BACE2: variants seen among roughly 807,000 people sequenced by gnomAD.
BACE2 encodes the protein beta-secretase 2.
In BACE2, 17 loss-of-function variants were observed where a neutral mutation model predicts 46.2. The ratio of observed to expected loss-of-function variants is 0.37; its 90% CI spans 0.25 to 0.55. The LOEUF is 0.55. BACE2 is among the 20% of genes least tolerant of loss of function. The pLI is 0.82. For missense variants in BACE2, 595 were observed against 698.1 expected (o/e 0.85, Z 1.66); for synonymous variants, 277 against 295.9 (o/e 0.94, Z 0.66).
intron 8 of BACE2, among the ~76,000 whole-genome samples, chr21:41,262,290 A>G (rs966254576): frequency 6.6e-6 from 1 of 152,168 alleles, no homozygotes; most frequent in Non-Finnish European, 1.5e-5. Context: ...GACTTGAGTT[A>G]AATGTTTTTT....
intron 1 of BACE2, among the ~76,000 whole-genome samples, chr21:41,212,735 C>T (rs1986337831): frequency 6.6e-6 from 1 of 152,060 alleles, no homozygotes; most frequent in Admixed American, 6.5e-5. Flanking sequence ...GTACGTCAGA[C>T]CTGACTTGGA....
At position 41,226,281 on chromosome 21, in the gene BACE2, G is replaced by A; in HGVS notation, c.328G>A (p.Asp110Asn). 1 of 1,612,120 alleles carries A rather than the reference G, an allele frequency of 6.2e-7. No individual in the cohort carries two copies. Among genetic ancestry groups the A allele is most frequent in the Non-Finnish European group, 8.5e-7 (1 of 1,179,420 alleles). Residue 110 changes from aspartate (D) to asparagine (N), a missense_variant, in exon 2 of 9, where the codon GAC (aspartate) becomes AAC (asparagine). Physicochemically the swap from Asp to Asn is conservative, Grantham distance 23. Coordinates refer to ENST00000330333, the MANE Select transcript of BACE2 (RefSeq NM_012105.5). Reference sequence around the variant, plus strand: ...AACATAAAAGCTACAGATTCTCGTTGACACTGGAAGCAGTAACTTTGCCGT... The same window carrying A: ...AACATAAAAGCTACAGATTCTCGTTAACACTGGAAGCAGTAACTTTGCCGT... ...TPPQKLQILV[D>N]TGSSNFAVAG...
chr21:41,181,415 C>T (rs1270963663), intron 1 of BACE2: 1 of 167,112 alleles, frequency 6.0e-6, no homozygotes. Context: ...AGTACTGTCA[C>T]CTTCCCAGAT....
Position 41,278,098 on chromosome 21 carries a change from A to G in BACE2, c.*2474A>G, listed in dbSNP as rs922032620. 1 of 152,198 alleles carries G rather than the reference A, an allele frequency of 6.6e-6. No individual in the cohort carries two copies. Among genetic ancestry groups the G allele is most frequent in the Non-Finnish European group, 1.5e-5 (1 of 68,048 alleles). The allele number at this position is 152,198 out of a possible 1,614,324, so 9.4% of individuals were successfully genotyped here. ...GCTTGGAACAGGAAAGGAATTAACAACCCTTTGAGGGTGTCATTTTTACCT... is the reference window on the plus strand; with the variant it reads ...GCTTGGAACAGGAAAGGAATTAACAGCCCTTTGAGGGTGTCATTTTTACCT... On this transcript the variant is annotated 3_prime_UTR_variant, in exon 9 of 9. Coordinates refer to ENST00000330333, the MANE Select transcript of BACE2 (RefSeq NM_012105.5).
intron 1 of BACE2, among the ~76,000 whole-genome samples, chr21:41,225,865 G>A (rs939631633): frequency 6.6e-6 from 1 of 152,176 alleles, no homozygotes; most frequent in Non-Finnish European, 1.5e-5. Flanking sequence ...ACGTTGGATC[G>A]GGGTTTCCAG....
At chr21:41,240,112 A>G (rs925563664) in intron 3 of BACE2, among the ~76,000 whole-genome samples, 7 of 152,218 alleles carry the variant, frequency 4.6e-5, no homozygotes, top group African/African-American at 1.4e-4. Flanking sequence ...AGTAGGACTC[A>G]TAGGAAGCAG....
chr21:41,236,433 A>G (rs779419415), intron 2 of BACE2, among the ~76,000 whole-genome samples: 2 of 152,132 alleles, frequency 1.3e-5, no homozygotes, highest in Non-Finnish European at 2.9e-5. Flanking sequence ...TCACTGCAGC[A>G]TAAACTGAGG....
intron 3 of BACE2, among the ~76,000 whole-genome samples, chr21:41,240,198 G>A (rs1987247368): frequency 6.6e-6 from 1 of 152,196 alleles, no homozygotes; most frequent in African/African-American, 2.4e-5. Flanking sequence ...GGTGGGCTGA[G>A]CGCTCTGCAG....
chr21:41,254,406 C>T lies in BACE2; in HGVS notation c.1135-2752C>T, dbSNP rs574674787. On this transcript the variant is annotated intron_variant, in intron 7 of 8. Transcript: ENST00000330333. ...CCCTCACAGTCCCTCAAACCCCCTA[C>T]AGCCAGAAGGCCCAGGACTCTGTGT... is the stretch of plus-strand genomic sequence containing the variant. Among the ~76,000 whole-genome samples, 5 of 152,282 alleles carry T rather than the reference C, an allele frequency of 3.3e-5. No individual in the cohort carries two copies. In the East Asian group the frequency reaches 7.7e-4, roughly 24 times the overall value.
intron 5 of BACE2, among the ~76,000 whole-genome samples, chr21:41,244,172 A>T (rs1322854872): frequency 6.6e-6 from 1 of 152,208 alleles, no homozygotes. Context: ...TATAAAAACC[A>T]TGGGGATGTC....
intron 1 of BACE2, among the ~76,000 whole-genome samples, chr21:41,214,264 G>T (rs1986387495): frequency 6.6e-6 from 1 of 152,196 alleles, no homozygotes; most frequent in African/African-American, 2.4e-5. Flanking sequence ...ATTCTGCTCA[G>T]TGAAGTGTGG....
intron 1 of BACE2, among the ~76,000 whole-genome samples, chr21:41,189,353 G>C (rs1402024701): frequency 6.6e-6 from 1 of 152,088 alleles, no homozygotes; most frequent in Admixed American, 6.5e-5. Context: ...TGCTTCCCTT[G>C]TCTGTCTTTT....
chr21:41,259,512 A>C (rs1396643301), intron 8 of BACE2, among the ~76,000 whole-genome samples: 5 of 152,178 alleles, frequency 3.3e-5, no homozygotes, highest in African/African-American at 1.2e-4. Flanking sequence ...AGTTACAGAA[A>C]ATCATATACT....
intron 1 of BACE2, among the ~76,000 whole-genome samples, chr21:41,207,552 A>T (rs768340201): frequency 2.0e-5 from 3 of 152,152 alleles, no homozygotes; most frequent in Non-Finnish European, 4.4e-5. Context: ...CTCCAGTCCC[A>T]GGGAGAGAGT....
At chr21:41,243,306 CT>C (rs1166979534) in intron 4 of BACE2, 69 bp from the exon 5 acceptor site, 2 of 1,319,354 alleles carry the variant, frequency 1.5e-6, no homozygotes, top group East Asian at 5.1e-5. Context: ...CAAGTGCATG[CT>C]TCTCTGTGTA....
At chr21:41,264,801 C>T (rs1988027462) in intron 8 of BACE2, among the ~76,000 whole-genome samples, 1 of 152,114 alleles carries the variant, frequency 6.6e-6, no homozygotes, top group South Asian at 2.1e-4. Flanking sequence ...ATATCAACAA[C>T]AAAGTAATAC....
At chr21:41,172,703 G>A (rs2123482800) in intron 1 of BACE2, among the ~76,000 whole-genome samples, 1 of 152,350 alleles carries the variant, frequency 6.6e-6, no homozygotes, top group Admixed American at 6.5e-5. Flanking sequence ...CAGGTCCTGA[G>A]CACTGTAGTG....
In BACE2 at chr21:41,226,448, T is replaced by G. The variant is rs1405670485; in HGVS notation, c.401+94T>G. 15 of 1,170,006 alleles carry G rather than the reference T, an allele frequency of 1.3e-5. No individual in the cohort carries two copies. The East Asian group carries it at 3.5e-4, about 28-fold the overall frequency. The allele number at this position is 1,170,006 out of a possible 1,614,324, so 72.5% of individuals were successfully genotyped here. On this transcript the variant is annotated intron_variant, in intron 2 of 8. Transcript: ENST00000330333. ...CCAGAGCATGACAGCCAGAAAGCTG[T>G]TTCATTTTAAGGGGGATACCAATAT...
chr21:41,213,407 G>T (rs201210821), intron 1 of BACE2, among the ~76,000 whole-genome samples: 1 of 151,128 alleles, frequency 6.6e-6, no homozygotes, highest in African/African-American at 2.4e-5. Flanking sequence ...AGGCAGAAGG[G>T]GTGAGAGGTG....
Sources: allele counts gnomAD v4.1 joint callset (sites outside exome capture counted in the v4.1 genomes callset), GRCh38; gene constraint gnomAD v4.1.1; transcripts MANE v1.5; gene names NCBI Gene and HGNC (gene_info 2026-07-23, HGNC 2026-07-21).